DLGAP2: variants seen among roughly 807,000 people sequenced by gnomAD.
DLGAP2 encodes disks large-associated protein 2.
DLGAP2 carries 26 observed loss-of-function variants against 100.3 expected under a neutral mutation model. That is an observed-to-expected ratio of 0.26 (90% CI 0.19 to 0.36). The LOEUF (loss-of-function observed/expected upper bound fraction) is 0.36. Ranked by LOEUF, DLGAP2 falls within the 10% of genes least tolerant of loss-of-function variation. The pLI is 1.00. For missense variants in DLGAP2, 1,858 were observed against 1,453.2 expected (o/e 1.28, Z -4.53); for synonymous variants, 886 against 630.1 (o/e 1.41, Z -6.08).
At chr8:1,337,550 TA>T (rs1801318057) in intron 3 of DLGAP2, among the ~76,000 whole-genome samples, 1 of 151,856 alleles carries the variant, frequency 6.6e-6, no homozygotes, top group Non-Finnish European at 1.5e-5. Flanking sequence ...ATGATGATCA[TA>T]ATGGTGGTGG....
At chr8:883,544 C>G (rs555923946) in intron 1 of DLGAP2, among the ~76,000 whole-genome samples, 1 of 151,468 alleles carries the variant, frequency 6.6e-6, no homozygotes, top group South Asian at 2.1e-4. Context: ...GATACATGTA[C>G]AGAATGTGCA....
At chr8:1,132,750 A>G (rs2100321) in intron 2 of DLGAP2, among the ~76,000 whole-genome samples, 13,951 of 152,250 alleles carry the variant, frequency 0.092, 826 homozygotes, top group South Asian at 0.14. Flanking sequence ...TGCAGAAGCT[A>G]CAGGCAACAT....
At chr8:1,602,078 G>T (rs1233467886) in intron 6 of DLGAP2, among the ~76,000 whole-genome samples, 1 of 151,984 alleles carries the variant, frequency 6.6e-6, no homozygotes, top group Non-Finnish European at 1.5e-5. Flanking sequence ...CATGCAAGCT[G>T]CATTGAAGCA....
chr8:1,317,566 C>T lies in DLGAP2; in HGVS notation c.106+58683C>T, dbSNP rs181855035. On this transcript the variant is annotated intron_variant, in intron 3 of 14. Coordinates refer to ENST00000637795, the MANE Select transcript of DLGAP2 (RefSeq NM_001346810.2). ...CGTGTCTCCAACAGTGGTCTACACT[C>T]GAGACACTCGGCAGCGTTTAAAAAT... Among the ~76,000 whole-genome samples the T allele has an allele frequency of 2.7e-3, 376 of 139,020 alleles. 16 individuals carry two copies. Among genetic ancestry groups the T allele is most frequent in the African/African-American group, 0.01 (356 of 34,344 alleles). The allele number at this position is 139,020 out of a possible 152,430, so 91.2% of individuals were successfully genotyped here. A position where few individuals can be genotyped will look rare whatever the true frequency, so the allele number is the denominator to read the frequency against.
intron 3 of DLGAP2, among the ~76,000 whole-genome samples, chr8:1,373,322 G>A (rs747331083): frequency 4.6e-5 from 7 of 151,772 alleles, no homozygotes; most frequent in African/African-American, 7.3e-5. Flanking sequence ...CAGCTGACGG[G>A]CGGGCCCTTC....
intron 2 of DLGAP2, among the ~76,000 whole-genome samples, chr8:1,025,659 C>T (rs959793749): frequency 6.6e-6 from 1 of 152,118 alleles, no homozygotes; most frequent in African/African-American, 2.4e-5. Flanking sequence ...GCCCACCCTC[C>T]CCTAGAGCCA....
chr8:759,295 C>G (rs1477067969), intron 1 of DLGAP2, among the ~76,000 whole-genome samples: 1 of 149,542 alleles, frequency 6.7e-6, no homozygotes, highest in Admixed American at 6.7e-5. Flanking sequence ...TCAATACCCC[C>G]CACAGCCTCC....
At chr8:1,019,688 T>TA (rs1801574037) in intron 2 of DLGAP2, 1 of 152,358 alleles carries the variant, frequency 6.6e-6, no homozygotes, top group African/African-American at 2.4e-5. Flanking sequence ...ATTATACATA[T>TA]AAAGATATGT....
chr8:864,603 ATTCAC>A (rs1163270134), intron 1 of DLGAP2, among the ~76,000 whole-genome samples: 1 of 152,172 alleles, frequency 6.6e-6, no homozygotes, highest in Non-Finnish European at 1.5e-5. Context: ...CGATATTTTA[ATTCAC>A]TTCCGCTCAA....
At chr8:1,081,035 TTAAAA>T (rs1249726196) in intron 2 of DLGAP2, among the ~76,000 whole-genome samples, 3 of 152,232 alleles carry the variant, frequency 2.0e-5, no homozygotes, top group African/African-American at 7.2e-5. Context: ...TATATTAAAT[TTAAAA>T]TAAGATTTTA....
At chr8:944,820 G>A (rs1182261707) in intron 2 of DLGAP2, among the ~76,000 whole-genome samples, 2 of 151,350 alleles carry the variant, frequency 1.3e-5, no homozygotes, top group Non-Finnish European at 2.9e-5. Context: ...GATCCAGTGG[G>A]TGGTAATGAT....
intron 2 of DLGAP2, among the ~76,000 whole-genome samples, chr8:966,026 C>T (rs988899604): frequency 3.9e-5 from 6 of 152,200 alleles, no homozygotes; most frequent in Admixed American, 3.3e-4. Flanking sequence ...GCCGTGACCC[C>T]CGTGGTCTCC....
chr8:869,284 C>T (rs1292126669), intron 1 of DLGAP2, among the ~76,000 whole-genome samples: 2 of 152,166 alleles, frequency 1.3e-5, no homozygotes, highest in Admixed American at 1.3e-4. Flanking sequence ...GTTTTCGCGT[C>T]CTTCTTGCAC....
intron 2 of DLGAP2, among the ~76,000 whole-genome samples, chr8:1,082,233 T>A (rs1441354760): frequency 6.6e-6 from 1 of 152,196 alleles, no homozygotes; most frequent in African/African-American, 2.4e-5. Flanking sequence ...CATCCCCCAG[T>A]GTGTTGTGTT....
intron 3 of DLGAP2, among the ~76,000 whole-genome samples, chr8:1,422,009 CAGTT>C (rs1478750919): frequency 2.0e-5 from 3 of 150,180 alleles, no homozygotes; most frequent in Non-Finnish European, 3.0e-5. Flanking sequence ...GCGGGTAAAA[CAGTT>C]AGCAATCATA....
chr8:1,683,828 G>A (rs755491368), intron 12 of DLGAP2, among the ~76,000 whole-genome samples: 4 of 84,560 alleles, frequency 4.7e-5, no homozygotes, highest in Non-Finnish European at 9.0e-5. Flanking sequence ...CCTTGTCTTT[G>A]CTCCACTATA....
intron 12 of DLGAP2, among the ~76,000 whole-genome samples, chr8:1,690,793 T>G (rs2130875981): frequency 6.6e-6 from 1 of 151,466 alleles, no homozygotes; most frequent in Admixed American, 6.6e-5. Context: ...TAATTCTTCC[T>G]ACTGAACTGT....
chr8:1,455,402 G>A (rs1798283206), intron 3 of DLGAP2, among the ~76,000 whole-genome samples: 1 of 152,234 alleles, frequency 6.6e-6, no homozygotes, highest in Non-Finnish European at 1.5e-5. Context: ...CGGGGTCCCA[G>A]GGGGACCCTG....
rs531908004 is a variant in DLGAP2, at chr8:1,427,672, C to G, written c.107-73694C>G. Among the ~76,000 whole-genome samples the G allele has an allele frequency of 1.5e-4, 23 of 152,262 alleles. 1 individual carries two copies. In the South Asian group the frequency reaches 4.6e-3, roughly 30 times the overall value. On this transcript the variant is annotated intron_variant, in intron 3 of 14. Transcript: ENST00000637795. The stretch of plus-strand genomic sequence containing the variant: ...TGATAGTGAATGAGTCTCATGAGAT[C>G]TGATGGTTTTAAAAATGGGAGTTTC...
Sources: allele counts gnomAD v4.1 joint callset (sites outside exome capture counted in the v4.1 genomes callset), GRCh38; gene constraint gnomAD v4.1.1; transcripts MANE v1.5; gene names NCBI Gene and HGNC (gene_info 2026-07-23, HGNC 2026-07-21).